Variants in NDST4 observed in about 807,000 individuals in gnomAD.
NDST4 encodes the protein N-heparan sulfate sulfotransferase 4.
In NDST4, 63 loss-of-function variants were observed where a neutral mutation model predicts 100.8. That is an observed-to-expected ratio of 0.62 (90% CI 0.51 to 0.77). The LOEUF (loss-of-function observed/expected upper bound fraction) is 0.77, where lower values mean the gene tolerates loss of function less well. Ranked by LOEUF, NDST4 falls within the 30% of genes least tolerant of loss-of-function variation. NDST4 has a pLI of 0.00. For synonymous variants in NDST4, 377 were observed against 361.8 expected, an observed-to-expected ratio of 1.04 and a Z score of -0.48; for missense variants, 943 against 1,018.4, an observed-to-expected ratio of 0.93 and a Z score of 1.01.
At chr4:115,086,875 C>A (rs1171798485) in intron 1 of NDST4, among the ~76,000 whole-genome samples, 1 of 151,892 alleles carries the variant, frequency 6.6e-6, no homozygotes, top group Admixed American at 6.6e-5. Context: ...AATAAAGAAA[C>A]TTTTATGTGG....
intron 1 of NDST4, among the ~76,000 whole-genome samples, chr4:115,083,618 T>C (rs1315255843): frequency 6.6e-6 from 1 of 152,206 alleles, no homozygotes. Flanking sequence ...TCATCTTGAA[T>C]TACAGTTCCC....
intron 7 of NDST4, among the ~76,000 whole-genome samples, chr4:114,854,585 C>T (rs759371703): frequency 8.5e-5 from 13 of 152,142 alleles, no homozygotes; most frequent in Non-Finnish European, 1.6e-4. Flanking sequence ...TCTCCTGCCC[C>T]AGCCTCCCGA....
chr4:115,019,350 C>A (rs960392419), intron 2 of NDST4, among the ~76,000 whole-genome samples: 1 of 151,980 alleles, frequency 6.6e-6, no homozygotes, highest in African/African-American at 2.4e-5. Flanking sequence ...AGCAGGTGAC[C>A]TGATATATTT....
intron 2 of NDST4, among the ~76,000 whole-genome samples, chr4:115,063,456 G>C (rs1728865827): frequency 6.6e-6 from 1 of 151,866 alleles, no homozygotes; most frequent in Non-Finnish European, 1.5e-5. Context: ...TATTTTCCAT[G>C]ATAATTTAAT....
At chr4:114,989,941 C>G (rs1240662575) in intron 2 of NDST4, among the ~76,000 whole-genome samples, 1 of 152,150 alleles carries the variant, frequency 6.6e-6, no homozygotes, top group Non-Finnish European at 1.5e-5. Flanking sequence ...AGAGAAGTGT[C>G]TCTTCAAAAT....
At chr4:114,993,957 C>T (rs1199339338) in intron 2 of NDST4, among the ~76,000 whole-genome samples, 3 of 151,930 alleles carry the variant, frequency 2.0e-5, no homozygotes, top group Non-Finnish European at 4.4e-5. Context: ...TTCCATTTTT[C>T]AAAGCCATAT....
At chr4:114,958,053 T>A (rs1415444878) in intron 4 of NDST4, among the ~76,000 whole-genome samples, 1 of 152,322 alleles carries the variant, frequency 6.6e-6, no homozygotes, top group East Asian at 1.9e-4. Flanking sequence ...TAGAGGATGG[T>A]GACCCTCTTC....
At chr4:115,012,084 G>C (rs960121392) in intron 2 of NDST4, among the ~76,000 whole-genome samples, 4 of 151,784 alleles carry the variant, frequency 2.6e-5, no homozygotes, top group Non-Finnish European at 4.4e-5. Context: ...TCTTAGAGCT[G>C]ATAAATTACT....
At chr4:114,852,011 A>C (rs1241946345) in intron 8 of NDST4, among the ~76,000 whole-genome samples, 1 of 152,198 alleles carries the variant, frequency 6.6e-6, no homozygotes, top group Non-Finnish European at 1.5e-5. Flanking sequence ...ACAGCAACTC[A>C]ATAAAACTTT....
chr4:114,929,806 G>C (rs1725475017), intron 6 of NDST4, among the ~76,000 whole-genome samples: 1 of 150,682 alleles, frequency 6.6e-6, no homozygotes, highest in Non-Finnish European at 1.5e-5. Context: ...CTCTATGAGG[G>C]GTATTGGGTT....
chr4:115,003,061 T>C (rs1208300087), intron 2 of NDST4, among the ~76,000 whole-genome samples: 2 of 151,990 alleles, frequency 1.3e-5, no homozygotes, highest in Non-Finnish European at 2.9e-5. Context: ...GGGAACATCA[T>C]ACACTGGGGC....
chr4:114,836,810 C>A (rs1474977657), intron 11 of NDST4, among the ~76,000 whole-genome samples: 2 of 152,124 alleles, frequency 1.3e-5, no homozygotes, highest in Admixed American at 6.6e-5. Context: ...AGGCTTTGTT[C>A]ATTCCTTTTT....
chr4:114,996,962 G>C (rs181201777), intron 2 of NDST4, among the ~76,000 whole-genome samples: 4 of 151,982 alleles, frequency 2.6e-5, no homozygotes, highest in African/African-American at 9.7e-5. Context: ...GTGCTGCAGG[G>C]TATTGTATTA....
At position 114,833,728 on chromosome 4, in the gene NDST4, A is replaced by T. The variant is rs1723252496; in HGVS notation, c.2287-13T>A. On this transcript the variant is annotated splice_polypyrimidine_tract_variant and intron_variant, in intron 11 of 13. Transcript: ENST00000264363. Reference sequence around the variant, plus strand: ...CAATAATTAGCAACTGTAAAGTCAGAAATAGTCACTTTATGAAGAAAAAAA... The same window carrying T: ...CAATAATTAGCAACTGTAAAGTCAGTAATAGTCACTTTATGAAGAAAAAAA... 3.9e-6 allele frequency: 6 copies of T among 1,556,768 alleles called. No homozygotes were observed. In the East Asian group the frequency reaches 1.3e-4, roughly 35 times the overall value.
intron 2 of NDST4, among the ~76,000 whole-genome samples, chr4:115,065,566 A>G (rs72898648): frequency 0.038 from 5,728 of 152,120 alleles, 280 homozygotes; most frequent in African/African-American, 0.11. Context: ...ATATATTAAT[A>G]TGCTCAATGA....
At chr4:114,970,356 A>G in intron 4 of NDST4, 74 bp downstream of exon 4, 2 of 1,312,084 alleles carry the variant, frequency 1.5e-6, no homozygotes, top group Middle Eastern at 2.5e-4. Flanking sequence ...ATTCAACCCA[A>G]TACATTAATT....
At chr4:114,874,008 A>G (rs988424204) in intron 6 of NDST4, among the ~76,000 whole-genome samples, 2 of 152,148 alleles carry the variant, frequency 1.3e-5, no homozygotes, top group African/African-American at 4.8e-5. Flanking sequence ...AAGTGCATTC[A>G]CATTGTTGTA....
At chr4:114,928,533 G>A (rs1463652509) in intron 6 of NDST4, among the ~76,000 whole-genome samples, 2 of 152,074 alleles carry the variant, frequency 1.3e-5, no homozygotes, top group African/African-American at 4.8e-5. Flanking sequence ...GCCACATTAA[G>A]TTCCTCATCT....
intron 1 of NDST4, among the ~76,000 whole-genome samples, chr4:115,112,420 A>G (rs1293447657): frequency 1.3e-5 from 2 of 151,934 alleles, no homozygotes; most frequent in African/African-American, 4.8e-5. Flanking sequence ...TTTATGTTAA[A>G]GCATTTATGA....
Sources: gnomAD v4.1 joint callset for allele counts (sites outside exome capture counted in the v4.1 genomes callset) on GRCh38, gnomAD v4.1.1 for gene constraint, MANE v1.5 for transcripts, NCBI Gene and HGNC (gene_info 2026-07-23, HGNC 2026-07-21) for gene names.